STAT1: variants seen among roughly 807,000 people sequenced by gnomAD.
STAT1 encodes signal transducer and activator of transcription 1-alpha/beta.
In STAT1, 24 loss-of-function variants were observed where a neutral mutation model predicts 111.7. That is an observed-to-expected ratio of 0.21 (90% CI 0.16 to 0.30). STAT1 has a LOEUF of 0.30. Among genes scored for constraint, STAT1 ranks in the 10% least tolerant of loss-of-function variants. STAT1 has a pLI of 1.00. For synonymous variants in STAT1, 332 were observed against 326.5 expected (o/e 1.02, Z -0.18); for missense variants, 351 against 911.9 (o/e 0.38, Z 7.92).
Position 190,978,957 on chromosome 2 carries a change from A to C in STAT1, c.1772T>G (p.Leu591Trp). ...FISKERERAL[L>W]KDQQPGTFLL... ...GAAGGTCCCCGGCTGCTGGTCCTTC[A>C]ACAGGGCACGCTCTCGCTCCTTGCT... The change falls in exon 21 of 25, where the codon TTG becomes TGG. Residue 591 changes from leucine (L) to tryptophan (W), a missense_variant. This residue lies in a region of STAT1 where 181 missense variants were observed against 426.1 expected (regional missense o/e 0.42). Transcript: ENST00000361099. The surrounding 1 kb of genome is among the most constrained non-coding windows in gnomAD (Gnocchi z 6.1). 6.2e-7 allele frequency: 1 copy of C among 1,614,180 alleles called. No homozygotes were observed. The highest frequency in any genetic ancestry group is 8.5e-7 in the Non-Finnish European group (1 of 1,180,032).
At position 190,982,769 on chromosome 2, in the gene STAT1, C is replaced by T. The variant is rs1334312600; in HGVS notation, c.1447-251G>A. ...TGGCATCTTTGGGGTCATTTGAAGA[C>T]ACACCCGTGCACACACAGCAGCACA... On this transcript the variant is annotated intron_variant, in intron 17 of 24. Coordinates refer to ENST00000361099, the MANE Select transcript of STAT1 (RefSeq NM_007315.4). The surrounding 1 kb of genome is among the most constrained non-coding windows in gnomAD (Gnocchi z 7.3). Among the ~76,000 whole-genome samples, 1 of 152,198 alleles carries T rather than the reference C, an allele frequency of 6.6e-6. No homozygotes were observed. Among genetic ancestry groups the T allele is most frequent in the Non-Finnish European group, 1.5e-5 (1 of 68,028 alleles).
chr2:190,979,043 CATGAT>C lies in STAT1; in HGVS notation c.1728-47_1728-43del. On this transcript the variant is annotated intron_variant, in intron 20 of 24. Coordinates refer to ENST00000361099, the MANE Select transcript of STAT1 (RefSeq NM_007315.4). This position sits in a 1 kb window ranked among gnomAD's most constrained non-coding sequence, Gnocchi z 5.8. ...TGGACGGATGGGCTTTTAGTTCAAT[CATGAT>C]TTCCATTTTCATGCTAACTTACAAA... is the stretch of plus-strand genomic sequence containing the variant. 1 of 1,612,770 alleles carries C rather than the reference CATGAT, an allele frequency of 6.2e-7. No individual in the cohort carries two copies.
Position 190,987,140 on chromosome 2 carries a change from G to T in STAT1, c.1098-72C>A, listed in dbSNP as rs1301796070. On this transcript the variant is annotated intron_variant, in intron 12 of 24. Coordinates refer to ENST00000361099, the MANE Select transcript of STAT1 (RefSeq NM_007315.4). This position sits in a 1 kb window ranked among gnomAD's most constrained non-coding sequence, Gnocchi z 4.0. ...AATAAGCTTTAACAAAATTATAAGA[G>T]TATAAGAGCATAAGAGTGTAAGTGA... The T allele has an allele frequency of 7.0e-6, 8 of 1,138,142 alleles. No homozygotes were observed. The highest frequency in any genetic ancestry group is 9.3e-6 in the Non-Finnish European group (7 of 756,146). 70.5% of individuals were successfully genotyped at this position (1,138,142 alleles called of 1,614,324 possible). A position where few individuals can be genotyped will look rare whatever the true frequency, so the allele number is the denominator to read the frequency against.
intron 10 of STAT1, among the ~76,000 whole-genome samples, 168 bp downstream of exon 10, chr2:190,994,893 G>A (rs1693701960): frequency 7.2e-6 from 1 of 139,148 alleles, no homozygotes; most frequent in Middle Eastern, 4.1e-3. Flanking sequence ...TCTAGCCTGG[G>A]TGATAGGTGA....
In STAT1 at chr2:190,979,672, TCA is replaced by T; in HGVS notation, c.1727+98_1727+99del. 1.0e-6 allele frequency: 1 copy of T among 964,420 alleles called. No individual in the cohort carries two copies. The highest frequency in any genetic ancestry group is 1.7e-6 in the Non-Finnish European group (1 of 596,266). 59.7% of individuals were successfully genotyped at this position (964,420 alleles called of 1,614,324 possible). A position where few individuals can be genotyped will look rare whatever the true frequency, so the allele number is the denominator to read the frequency against. On this transcript the variant is annotated intron_variant, in intron 20 of 24. Transcript: ENST00000361099. The surrounding 1 kb of genome is among the most constrained non-coding windows in gnomAD (Gnocchi z 5.8). ...CTATAAATGCGCACTCCTGTGAGAT[TCA>T]CACACGCCTAGTCAAATACTGAAGC...
At chr2:190,991,114 C>G in intron 11 of STAT1, 114 bp downstream of exon 11, 1 of 824,434 alleles carries the variant, frequency 1.2e-6, no homozygotes, top group Non-Finnish European at 2.1e-6. Context: ...ATTAAAGTGC[C>G]CCCTGAAAAA....
At position 190,999,645 on chromosome 2, in the gene STAT1, G is replaced by A. The variant is rs1694114446; in HGVS notation, c.522C>T (p.Cys174=). The change falls in exon 7 of 25, where the codon TGC becomes TGT. Residue 174 remains cysteine, a synonymous_variant. Transcript: ENST00000361099. The surrounding 1 kb of genome is among the most constrained non-coding windows in gnomAD (Gnocchi z 4.1). ...CCTTACCTCTGTTCTGCAAGGTTTT[G>A]CATTTGAAGTCATATTCATCTTGTA... ...EDLQDEYDFK[C]KTLQNREHET... 2 of 1,613,688 alleles carry A rather than the reference G, an allele frequency of 1.2e-6. No individual in the cohort carries two copies. The highest frequency in any genetic ancestry group is 2.2e-5 in the South Asian group (2 of 91,076).
At chr2:190,991,345 A>T (rs527781259) in intron 10 of STAT1, 25 bp from the exon 11 acceptor site, 4 of 1,610,248 alleles carry the variant, frequency 2.5e-6, no homozygotes, top group South Asian at 2.2e-5. Flanking sequence ...CAAAGGATAG[A>T]TAAGTTAGCA....
rs45470392 is a variant in STAT1, at chr2:191,014,051, G to C, written c.-189C>G. 2.4e-4 allele frequency: 43 copies of C among 175,986 alleles called. No individual in the cohort carries two copies. The South Asian group carries it at 7.9e-3, about 32-fold the overall frequency. 10.9% of individuals were successfully genotyped at this position (175,986 alleles called of 1,614,324 possible). ...CAGGATCCGGAAGGGCTAGGCGGGG[G>C]CGCGGCGGTGCAGCCTCTCCCGAGC... On this transcript the variant is annotated 5_prime_UTR_variant, in exon 1 of 25. Transcript: ENST00000361099.
Position 190,977,776 on chromosome 2 carries a change from A to G in STAT1, c.1874-751T>C, listed in dbSNP as rs1036666305. Among the ~76,000 whole-genome samples the G allele has an allele frequency of 1.3e-5, 2 of 152,042 alleles. No homozygotes were observed. The highest frequency in any genetic ancestry group is 1.3e-4 in the Admixed American group (2 of 15,260). On this transcript the variant is annotated intron_variant, in intron 21 of 24. Coordinates refer to ENST00000361099, the MANE Select transcript of STAT1 (RefSeq NM_007315.4). This position sits in a 1 kb window ranked among gnomAD's most constrained non-coding sequence, Gnocchi z 4.7. ...TTTCTTCATCTCTGCTTGGTCTACT[A>G]TATCTGTCTCTCAGCTGGTTCAGGA...
At position 190,977,577 on chromosome 2, in the gene STAT1, C is replaced by G. The variant is rs1019513061; in HGVS notation, c.1874-552G>C. 7.2e-5 allele frequency among the ~76,000 whole-genome samples: 11 copies of G among 152,220 alleles called. No homozygotes were observed. Among genetic ancestry groups the G allele is most frequent in the African/African-American group, 2.7e-4 (11 of 41,454 alleles). On this transcript the variant is annotated intron_variant, in intron 21 of 24. Coordinates refer to ENST00000361099, the MANE Select transcript of STAT1 (RefSeq NM_007315.4). The surrounding 1 kb of genome is among the most constrained non-coding windows in gnomAD (Gnocchi z 4.7). ...ATTTACTCCCGTTCTTATTCCCAGA[C>G]TGAATTCAGATCCTTCTTCCTAGCT...
chr2:191,013,902 CACT>C (rs1315537795), intron 1 of STAT1, 113 bp downstream of exon 1: 6 of 371,360 alleles, frequency 1.6e-5, no homozygotes, highest in Non-Finnish European at 2.4e-5. Context: ...CCTCTGGGAT[CACT>C]ATTCGCGGGT....
At chr2:191,013,940 C>T (rs1695340806) in intron 1 of STAT1, 78 bp downstream of exon 1, 1 of 320,322 alleles carries the variant, frequency 3.1e-6, no homozygotes, top group East Asian at 4.7e-5. Context: ...CGTCCTCGCC[C>T]GGCGTCCAAC....
Position 190,998,120 on chromosome 2 carries a change from C to T in STAT1, c.633+97G>A. On this transcript the variant is annotated intron_variant, in intron 8 of 24. Coordinates refer to ENST00000361099, the MANE Select transcript of STAT1 (RefSeq NM_007315.4). This position sits in a 1 kb window ranked among gnomAD's most constrained non-coding sequence, Gnocchi z 4.1. The stretch of plus-strand genomic sequence containing the variant: ...TTTCATTCTCAACTGGGGCTCTAAG[C>T]CAGGTGGCTATAATTTTTCCTCTCT... 1 of 1,557,790 alleles carries T rather than the reference C, an allele frequency of 6.4e-7. No individual in the cohort carries two copies. The highest frequency in any genetic ancestry group is 8.8e-7 in the Non-Finnish European group (1 of 1,133,996).
rs776979709 is a variant in STAT1 at position 190,995,238 on chromosome 2, C to CA, written c.786-20dup. The CA allele has an allele frequency of 6.2e-7, 1 of 1,613,616 alleles. No homozygotes were observed. The highest frequency in any genetic ancestry group is 1.1e-5 in the South Asian group (1 of 91,082). ...AGTGAACCTGGGAAGACACAAGACACAGATGTCTCTATGAGAAACAGTCCA... is the reference window on the plus strand; with the variant it reads ...AGTGAACCTGGGAAGACACAAGACACAAGATGTCTCTATGAGAAACAGTCCA... On this transcript the variant is annotated intron_variant, in intron 9 of 24. Coordinates refer to ENST00000361099, the MANE Select transcript of STAT1 (RefSeq NM_007315.4). The surrounding 1 kb of genome is among the most constrained non-coding windows in gnomAD (Gnocchi z 4.2).
At position 190,973,446 on chromosome 2, in the gene STAT1, C is replaced by T. The variant is rs1559004075; in HGVS notation, c.2238+1384G>A. On this transcript the variant is annotated intron_variant, in intron 24 of 24. Transcript: ENST00000361099. The surrounding 1 kb of genome is among the most constrained non-coding windows in gnomAD (Gnocchi z 4.4). ...GTGGCTGTGAGGACTGAATGAGTTA[C>T]TACCTGTGAAGTACATGGTATACTG... Among the ~76,000 whole-genome samples the T allele has an allele frequency of 6.6e-6, 1 of 152,166 alleles. No homozygotes were observed. Among genetic ancestry groups the T allele is most frequent in the Non-Finnish European group, 1.5e-5 (1 of 68,028 alleles).
At chr2:190,988,449 G>C (rs551065415) in intron 12 of STAT1, among the ~76,000 whole-genome samples, 1 of 152,332 alleles carries the variant, frequency 6.6e-6, no homozygotes, top group South Asian at 2.1e-4. Context: ...CATGATCTCA[G>C]CTCACTGCAA....
Sources: allele counts gnomAD v4.1 joint callset (sites outside exome capture counted in the v4.1 genomes callset), GRCh38; gene constraint gnomAD v4.1.1; regional missense constraint gnomAD v4.1.1; non-coding constraint Gnocchi (gnomAD v3.1); transcripts MANE v1.5; gene names NCBI Gene and HGNC (gene_info 2026-07-23, HGNC 2026-07-21).